RELN: variants seen among roughly 807,000 people sequenced by gnomAD.
The protein encoded by RELN is reelin.
In RELN, 108 loss-of-function variants were observed where a neutral mutation model predicts 427.6. The ratio of observed to expected loss-of-function variants is 0.25; its 90% CI spans 0.22 to 0.30. The LOEUF (loss-of-function observed/expected upper bound fraction) is 0.30. RELN is among the 10% of genes least tolerant of loss of function. The pLI, the probability that RELN is intolerant of heterozygous loss-of-function variation, is 1.00. For missense variants in RELN, 3,715 were observed against 4,302.8 expected (o/e 0.86, Z 3.82); for synonymous variants, 1,524 against 1,513.4 (o/e 1.01, Z -0.16).
intron 3 of RELN, among the ~76,000 whole-genome samples, chr7:103,801,130 G>T (rs545686325): frequency 1.2e-4 from 18 of 152,304 alleles, no homozygotes; most frequent in South Asian, 8.3e-4. Flanking sequence ...TACACTGTTG[G>T]TGGGACTGTA....
chr7:103,479,439 G>A (rs1379757124), intron 63 of RELN, among the ~76,000 whole-genome samples: 1 of 152,202 alleles, frequency 6.6e-6, no homozygotes, highest in Non-Finnish European at 1.5e-5. Context: ...CTTTTTGTAA[G>A]CTAGTGAGGC....
At chr7:103,706,714 T>G (rs1834209179) in intron 8 of RELN, among the ~76,000 whole-genome samples, 2 of 152,102 alleles carry the variant, frequency 1.3e-5, no homozygotes, top group Admixed American at 6.5e-5. Flanking sequence ...GTGCTGCTGC[T>G]TCTACTCAGG....
chr7:103,674,947 A>G (rs1833481710), intron 11 of RELN, among the ~76,000 whole-genome samples: 2 of 152,268 alleles, frequency 1.3e-5, no homozygotes, highest in Non-Finnish European at 2.9e-5. Flanking sequence ...ATGGGCAAAA[A>G]CTGGAAGCAT....
intron 64 of RELN, among the ~76,000 whole-genome samples, chr7:103,477,815 A>G (rs532822409): frequency 6.6e-6 from 1 of 152,340 alleles, no homozygotes; most frequent in South Asian, 2.1e-4. Context: ...ATACAAGAAT[A>G]TATTAAAAGT....
intron 2 of RELN, among the ~76,000 whole-genome samples, chr7:103,894,830 G>A (rs1794924394): frequency 6.6e-6 from 1 of 152,144 alleles, no homozygotes; most frequent in African/African-American, 2.4e-5. Context: ...GCAACCAGCA[G>A]TTGGTGTGTT....
At chr7:103,832,971 A>AT (rs1793311051) in intron 3 of RELN, among the ~76,000 whole-genome samples, 1 of 152,080 alleles carries the variant, frequency 6.6e-6, no homozygotes. Flanking sequence ...TTATTCAATT[A>AT]TTTTTGTCTT....
chr7:103,864,375 A>G (rs890579510), intron 2 of RELN, among the ~76,000 whole-genome samples: 1 of 152,166 alleles, frequency 6.6e-6, no homozygotes, highest in African/African-American at 2.4e-5. Flanking sequence ...AAGTTGTACA[A>G]TGCTGTGCAG....
chr7:103,593,609 T>G, intron 27 of RELN, 73 bp downstream of exon 27: 10 of 1,301,838 alleles, frequency 7.7e-6, no homozygotes, highest in Non-Finnish European at 1.0e-5. Flanking sequence ...GTGTTCTTTG[T>G]GAGTTCCACT....
chr7:103,745,844 A>G (rs1202288398), intron 6 of RELN, among the ~76,000 whole-genome samples: 1 of 152,210 alleles, frequency 6.6e-6, no homozygotes, highest in South Asian at 2.1e-4. Context: ...ATACTGCCCA[A>G]GGTAATTTAT....
intron 46 of RELN, among the ~76,000 whole-genome samples, chr7:103,534,646 C>G (rs367579418): frequency 1.6e-4 from 24 of 151,972 alleles, no homozygotes; most frequent in Non-Finnish European, 2.9e-4. Context: ...TACCACCATG[C>G]CTGGCTAATT....
At chr7:103,607,077 T>C (rs1346745571) in intron 22 of RELN, among the ~76,000 whole-genome samples, 1 of 126,198 alleles carries the variant, frequency 7.9e-6, no homozygotes, top group African/African-American at 3.1e-5. Flanking sequence ...ATCCAGTCTA[T>C]CGTTGTTGGA....
intron 2 of RELN, among the ~76,000 whole-genome samples, chr7:103,907,285 G>A (rs561088796): frequency 6.7e-6 from 1 of 149,664 alleles, no homozygotes; most frequent in Admixed American, 6.7e-5. Context: ...GCATGGTGGT[G>A]CACACCTGTA....
intron 12 of RELN, among the ~76,000 whole-genome samples, chr7:103,655,799 T>C (rs767853067): frequency 6.6e-6 from 1 of 152,092 alleles, no homozygotes; most frequent in Non-Finnish European, 1.5e-5. Flanking sequence ...ATTTGCAAAA[T>C]GTGTCCCACA....
chr7:103,936,857 C>G (rs1159575260), intron 1 of RELN, among the ~76,000 whole-genome samples: 1 of 152,100 alleles, frequency 6.6e-6, no homozygotes, highest in Non-Finnish European at 1.5e-5. Flanking sequence ...CAGTTTACAA[C>G]TATATTTGCT....
At chr7:103,930,768 C>T (rs1017827933) in intron 1 of RELN, among the ~76,000 whole-genome samples, 8 of 152,040 alleles carry the variant, frequency 5.3e-5, no homozygotes, top group African/African-American at 1.9e-4. Flanking sequence ...GTGCCCAGCC[C>T]CATAACACAT....
chr7:103,762,937 T>A (rs1055666085), intron 4 of RELN, among the ~76,000 whole-genome samples: 1 of 152,182 alleles, frequency 6.6e-6, no homozygotes, highest in Non-Finnish European at 1.5e-5. Context: ...TTTTGAGATA[T>A]GTATGCAAGA....
chr7:103,852,429 T>C (rs979830314), intron 2 of RELN, among the ~76,000 whole-genome samples: 2 of 152,194 alleles, frequency 1.3e-5, no homozygotes, highest in African/African-American at 4.8e-5. Flanking sequence ...GTAAATTATA[T>C]GTAAACTCTC....
intron 4 of RELN, among the ~76,000 whole-genome samples, chr7:103,756,601 A>G (rs953905154): frequency 6.6e-6 from 1 of 152,210 alleles, no homozygotes; most frequent in Non-Finnish European, 1.5e-5. Flanking sequence ...ATAATTGAAG[A>G]TCCAAACCTT....
At chr7:103,637,162 T>G (rs1158099837) in intron 17 of RELN, among the ~76,000 whole-genome samples, 1 of 152,212 alleles carries the variant, frequency 6.6e-6, no homozygotes, top group Non-Finnish European at 1.5e-5. Flanking sequence ...TGCCCCAAGT[T>G]TTCTATCAGT....
Sources: allele counts gnomAD v4.1 joint callset (sites outside exome capture counted in the v4.1 genomes callset), GRCh38; gene constraint gnomAD v4.1.1; transcripts MANE v1.5; gene names NCBI Gene and HGNC (gene_info 2026-07-23, HGNC 2026-07-21).